Variants in KSR2 observed in about 807,000 individuals in gnomAD.
The protein encoded by KSR2 is kinase suppressor of ras 2.
Under a neutral mutation model 107.8 loss-of-function variants are expected in KSR2, and 25 were observed. That is an observed-to-expected ratio of 0.23 (90% confidence interval 0.17 to 0.32). The LOEUF is 0.32. KSR2 is among the 10% of genes least tolerant of loss of function. The probability of loss-of-function intolerance (pLI) is 1.00; values close to 1 mark genes in which losing one functional copy is unlikely to be tolerated. For synonymous variants in KSR2, 480 were observed against 507.0 expected, an observed-to-expected ratio of 0.95 and a Z score of 0.71; for missense variants, 887 against 1,268.9, an observed-to-expected ratio of 0.70 and a Z score of 4.57.
chr12:117,758,420 T>A (rs538741567), intron 4 of KSR2, among the ~76,000 whole-genome samples: 2 of 152,098 alleles, frequency 1.3e-5, no homozygotes, highest in Admixed American at 1.3e-4. Context: ...CCAGGCTAAG[T>A]GGTCCCACGG....
intron 3 of KSR2, among the ~76,000 whole-genome samples, chr12:117,796,044 G>C (rs1033743703): frequency 6.6e-6 from 1 of 152,044 alleles, no homozygotes; most frequent in Non-Finnish European, 1.5e-5. Flanking sequence ...CTCCAACCTC[G>C]GACTCCTGTG....
chr12:117,913,150 A>AC (rs1895073703), intron 1 of KSR2, among the ~76,000 whole-genome samples: 1 of 152,014 alleles, frequency 6.6e-6, no homozygotes, highest in East Asian at 1.9e-4. Context: ...AGGGTGCTCC[A>AC]CCCCCAGGTG....
At chr12:117,918,745 G>A (rs1263816634) in intron 1 of KSR2, among the ~76,000 whole-genome samples, 1 of 149,096 alleles carries the variant, frequency 6.7e-6, no homozygotes, top group Non-Finnish European at 1.5e-5. Flanking sequence ...CCAAGATCGC[G>A]CCACTGCACT....
At chr12:117,742,537 T>TGGAC (rs1888259400) in intron 4 of KSR2, among the ~76,000 whole-genome samples, 1 of 151,104 alleles carries the variant, frequency 6.6e-6, no homozygotes, top group South Asian at 2.1e-4. Context: ...GATGGGTGGA[T>TGGAC]GGATGGATGG....
At chr12:117,478,375 T>C (rs1871932405) in intron 16 of KSR2, among the ~76,000 whole-genome samples, 1 of 152,174 alleles carries the variant, frequency 6.6e-6, no homozygotes, top group African/African-American at 2.4e-5. Context: ...ACCATGACTA[T>C]TGAGCACTTG....
rs905943761 is a variant in KSR2, at chr12:117,455,526, C to T, written c.*11673G>A. 3.9e-5 allele frequency: 6 copies of T among 152,116 alleles called. No homozygotes were observed. Among genetic ancestry groups the T allele is most frequent in the African/African-American group, 4.8e-5 (2 of 41,420 alleles). The allele number at this position is 152,116 out of a possible 1,614,324, so 9.4% of individuals were successfully genotyped here. The stretch of plus-strand genomic sequence containing the variant: ...TGGGTTGGGAGCTCCTGTGGGGCCT[C>T]GGGACCCTACTGGAACTCCTCCCTC... On this transcript the variant is annotated 3_prime_UTR_variant, in exon 20 of 20. Transcript: ENST00000339824.
intron 3 of KSR2, among the ~76,000 whole-genome samples, chr12:117,831,043 G>C (rs1040967984): frequency 6.6e-6 from 1 of 152,038 alleles, no homozygotes. Context: ...CTGTCTCCTG[G>C]GGAACCGGCA....
chr12:117,644,026 G>A (rs1309245589), intron 5 of KSR2, among the ~76,000 whole-genome samples: 2 of 152,190 alleles, frequency 1.3e-5, no homozygotes, highest in African/African-American at 4.8e-5. Flanking sequence ...CCCACAGGCT[G>A]ATCTGTCTGT....
chr12:117,853,344 T>G (rs2137216081), intron 3 of KSR2, among the ~76,000 whole-genome samples: 1 of 152,220 alleles, frequency 6.6e-6, no homozygotes, highest in African/African-American at 2.4e-5. Context: ...ACACTGTAAT[T>G]TGGTGCAATT....
At chr12:117,535,150 G>A (rs183177657) in intron 10 of KSR2, among the ~76,000 whole-genome samples, 11 of 152,302 alleles carry the variant, frequency 7.2e-5, no homozygotes, top group East Asian at 5.8e-4. Flanking sequence ...CAGTAGATGC[G>A]TAATAAATAC....
chr12:117,754,364 A>G (rs1888714314), intron 4 of KSR2, among the ~76,000 whole-genome samples: 1 of 152,172 alleles, frequency 6.6e-6, no homozygotes. Flanking sequence ...TCGGCCAGGC[A>G]TGGTGGCTCA....
At chr12:117,849,860 A>G (rs1892852968) in intron 3 of KSR2, among the ~76,000 whole-genome samples, 1 of 152,204 alleles carries the variant, frequency 6.6e-6, no homozygotes, top group Non-Finnish European at 1.5e-5. Context: ...GTCATTTAAC[A>G]AACATGCATC....
At chr12:117,723,610 A>G (rs1285085791) in intron 4 of KSR2, among the ~76,000 whole-genome samples, 3 of 152,168 alleles carry the variant, frequency 2.0e-5, no homozygotes, top group Admixed American at 1.3e-4. Context: ...AAAAAAATAA[A>G]AGCTCAAAAA....
chr12:117,920,734 T>C (rs1323294070), intron 1 of KSR2, among the ~76,000 whole-genome samples: 1 of 152,126 alleles, frequency 6.6e-6, no homozygotes, highest in Non-Finnish European at 1.5e-5. Flanking sequence ...GTAAACTCAG[T>C]GCCTAGGGTA....
At chr12:117,786,224 T>C (rs1210117350) in intron 3 of KSR2, among the ~76,000 whole-genome samples, 3 of 152,196 alleles carry the variant, frequency 2.0e-5, no homozygotes, top group Non-Finnish European at 4.4e-5. Context: ...AAGAAAGAAG[T>C]ATATTTTTTC....
intron 2 of KSR2, 89 bp from the exon 3 acceptor site, chr12:117,855,667 A>G (rs1893080371): frequency 7.4e-7 from 1 of 1,343,828 alleles, no homozygotes; most frequent in Non-Finnish European, 1.0e-6. Context: ...AGAGGAGAAC[A>G]CTCCGCAGTG....
chr12:117,691,378 C>T (rs1299081802), intron 4 of KSR2, among the ~76,000 whole-genome samples: 1 of 152,190 alleles, frequency 6.6e-6, no homozygotes, highest in African/African-American at 2.4e-5. Context: ...TGACCCTCGC[C>T]TTGAGCCACA....
At chr12:117,801,124 T>C (rs1469478077) in intron 3 of KSR2, among the ~76,000 whole-genome samples, 1 of 152,086 alleles carries the variant, frequency 6.6e-6, no homozygotes, top group South Asian at 2.1e-4. Flanking sequence ...ATTTTATTTA[T>C]ATTTTAAGAC....
intron 17 of KSR2, among the ~76,000 whole-genome samples, chr12:117,472,297 G>T (rs990060740): frequency 2.0e-5 from 3 of 152,168 alleles, no homozygotes; most frequent in African/African-American, 7.2e-5. Flanking sequence ...ATGGAGAGAG[G>T]ATTGCTCTAG....
Sources: gnomAD v4.1 joint callset for allele counts (sites outside exome capture counted in the v4.1 genomes callset) on GRCh38, gnomAD v4.1.1 for gene constraint, MANE v1.5 for transcripts, NCBI Gene and HGNC (gene_info 2026-07-23, HGNC 2026-07-21) for gene names.